TEK: variants seen among roughly 807,000 people sequenced by gnomAD.
The protein encoded by TEK is angiopoietin-1 receptor.
In TEK, 43 loss-of-function variants were observed where a neutral mutation model predicts 131.8. That is an observed-to-expected ratio of 0.33 (90% CI 0.26 to 0.42). The LOEUF (loss-of-function observed/expected upper bound fraction) is 0.42. TEK is among the 10% of genes least tolerant of loss of function. The probability of loss-of-function intolerance (pLI) is 1.00; values close to 1 mark genes in which losing one functional copy is unlikely to be tolerated. For synonymous variants in TEK, 580 were observed against 491.6 expected (o/e 1.18, Z -2.38); for missense variants, 1,162 against 1,384.4 (o/e 0.84, Z 2.55).
chr9:27,173,192 T>C (rs779604005), intron 5 of TEK, 30 bp from the exon 6 acceptor site: 39 of 1,613,848 alleles, frequency 2.4e-5, no homozygotes, highest in East Asian at 2.2e-4. Flanking sequence ...CATATTTGAC[T>C]CTGAATCATC....
At chr9:27,117,738 AG>A (rs1821625989) in intron 1 of TEK, among the ~76,000 whole-genome samples, 1 of 152,212 alleles carries the variant, frequency 6.6e-6, no homozygotes, top group South Asian at 2.1e-4. Flanking sequence ...TGGGGTTTGA[AG>A]GGCATCGTGG....
rs144201154 is a variant in TEK, at chr9:27,172,436, G to A, written c.629-180G>A. Reference sequence around the variant, plus strand: ...GGTACTCCTTGTCTTTGTTTCTGTCGCGATTTCCTGTTTACATGTCTGTCT... The same window carrying A: ...GGTACTCCTTGTCTTTGTTTCTGTCACGATTTCCTGTTTACATGTCTGTCT... On this transcript the variant is annotated intron_variant, in intron 4 of 22. Coordinates refer to ENST00000380036, the MANE Select transcript of TEK (RefSeq NM_000459.5). 6.4e-3 allele frequency among the ~76,000 whole-genome samples: 967 copies of A among 152,192 alleles called. 5 individuals carry two copies. The highest frequency in any genetic ancestry group is 0.01 in the Non-Finnish European group (682 of 68,014).
intron 9 of TEK, among the ~76,000 whole-genome samples, chr9:27,189,844 T>C (rs1455588908): frequency 2.9e-5 from 4 of 136,682 alleles, no homozygotes; most frequent in African/African-American, 1.1e-4. Context: ...TTGAGTTGTT[T>C]GGCTGAAAGA....
chr9:27,180,133 T>G (rs1824309037), intron 6 of TEK, 107 bp from the exon 7 acceptor site: 1 of 1,523,046 alleles, frequency 6.6e-7, no homozygotes, highest in East Asian at 2.3e-5. Flanking sequence ...CTTACACAAA[T>G]CAGCAAAGTT....
chr9:27,148,497 T>C (rs1254661547), intron 1 of TEK, among the ~76,000 whole-genome samples: 1 of 152,244 alleles, frequency 6.6e-6, no homozygotes, highest in Non-Finnish European at 1.5e-5. Context: ...GGGTTAGTCT[T>C]GGCGTCTCCT....
chr9:27,136,294 C>T (rs1822432519), intron 1 of TEK, among the ~76,000 whole-genome samples: 1 of 152,104 alleles, frequency 6.6e-6, no homozygotes, highest in East Asian at 1.9e-4. Flanking sequence ...GTTGCCCAGG[C>T]TGGTCTCAAA....
intron 15 of TEK, among the ~76,000 whole-genome samples, chr9:27,208,378 G>T (rs572308224): frequency 1.2e-4 from 18 of 151,404 alleles, no homozygotes; most frequent in African/African-American, 3.9e-4. Flanking sequence ...ATAGCTCATT[G>T]TCCCTGACTC....
intron 1 of TEK, among the ~76,000 whole-genome samples, chr9:27,114,550 G>C (rs772910793): frequency 1.3e-5 from 2 of 151,268 alleles, no homozygotes; most frequent in Non-Finnish European, 2.9e-5. Flanking sequence ...GAGCCTGCAT[G>C]ACAGAGTGAG....
rs7027720 is a variant in TEK, at chr9:27,139,102, C to T, written c.53-18729C>T. 2.7e-3 allele frequency among the ~76,000 whole-genome samples: 398 copies of T among 149,178 alleles called. 2 individuals are homozygous for T. Among genetic ancestry groups the T allele is most frequent in the African/African-American group, 9.1e-3 (368 of 40,564 alleles). ...TGGGCGTCTGTAGTCCCAGCTACTC[C>T]GGAGGGAGGCTGAGGCAGGAGAATG... On this transcript the variant is annotated intron_variant, in intron 1 of 22. Transcript: ENST00000380036.
intron 11 of TEK, among the ~76,000 whole-genome samples, chr9:27,193,468 T>G (rs949668529): frequency 2.6e-5 from 4 of 152,138 alleles, no homozygotes; most frequent in Non-Finnish European, 5.9e-5. Flanking sequence ...CTCAGTGGTG[T>G]TTGGTATTGA....
chr9:27,146,722 T>G (rs1180759843), intron 1 of TEK, among the ~76,000 whole-genome samples: 1 of 104,690 alleles, frequency 9.6e-6, no homozygotes, highest in Non-Finnish European at 2.2e-5. Context: ...AACATTCTAT[T>G]TTTTTTTTTT....
At chr9:27,130,825 C>T in intron 1 of TEK, among the ~76,000 whole-genome samples, 1 of 151,542 alleles carries the variant, frequency 6.6e-6, no homozygotes, top group Non-Finnish European at 1.5e-5. Context: ...CTTGGCCTCC[C>T]AGAGTGTTGG....
chr9:27,188,057 C>A (rs1315909650), intron 9 of TEK, among the ~76,000 whole-genome samples: 1 of 152,122 alleles, frequency 6.6e-6, no homozygotes, highest in Non-Finnish European at 1.5e-5. Context: ...GAATTAATTT[C>A]CGCAACAGTA....
intron 10 of TEK, chr9:27,191,880 TACCA>T: frequency 2.2e-6 from 1 of 449,116 alleles, no homozygotes; most frequent in Admixed American, 2.5e-5. Flanking sequence ...TTTTTTTTCT[TACCA>T]AGTAGGAATT....
chr9:27,164,772 G>GAGAT (rs1392072468), intron 2 of TEK, among the ~76,000 whole-genome samples: 1 of 152,288 alleles, frequency 6.6e-6, no homozygotes, highest in East Asian at 1.9e-4. Flanking sequence ...CTGGCCTTAA[G>GAGAT]AGATCCTCCC....
At chr9:27,181,505 G>A (rs1021908153) in intron 7 of TEK, among the ~76,000 whole-genome samples, 5 of 152,080 alleles carry the variant, frequency 3.3e-5, no homozygotes, top group African/African-American at 4.8e-5. Flanking sequence ...ATAATACGTC[G>A]TCATTTGTGA....
At chr9:27,111,465 T>C (rs1295541706) in intron 1 of TEK, among the ~76,000 whole-genome samples, 1 of 152,022 alleles carries the variant, frequency 6.6e-6, no homozygotes, top group African/African-American at 2.4e-5. Flanking sequence ...AAGGGGCTTA[T>C]GGCTTAAAGG....
intron 1 of TEK, among the ~76,000 whole-genome samples, chr9:27,144,773 C>T (rs1822854405): frequency 6.6e-6 from 1 of 152,170 alleles, no homozygotes; most frequent in Non-Finnish European, 1.5e-5. Context: ...TCTGAGCCCT[C>T]TTCCAGTACT....
Position 27,185,475 on chromosome 9 carries a change from A to G in TEK, c.1183-10A>G, listed in dbSNP as rs777432272. 1.2e-6 allele frequency: 2 copies of G among 1,613,346 alleles called. No homozygotes were observed. Among genetic ancestry groups the G allele is most frequent in the Non-Finnish European group, 1.7e-6 (2 of 1,179,528 alleles). Reference sequence around the variant, plus strand: ...AGAAGTTTTTATTTTTTTGTATTTGACCTTTTCAGCCAAAAGACTTTAACC... The same window carrying G: ...AGAAGTTTTTATTTTTTTGTATTTGGCCTTTTCAGCCAAAAGACTTTAACC... On this transcript the variant is annotated splice_polypyrimidine_tract_variant and intron_variant, in intron 8 of 22. Transcript: ENST00000380036.
Sources: gnomAD v4.1 joint callset for allele counts (sites outside exome capture counted in the v4.1 genomes callset) on GRCh38, gnomAD v4.1.1 for gene constraint, MANE v1.5 for transcripts, NCBI Gene and HGNC (gene_info 2026-07-23, HGNC 2026-07-21) for gene names.